The following LGSN variants were observed in gnomAD, a reference collection of about 807,000 sequenced individuals.
The protein encoded by LGSN is lengsin.
In LGSN, 21 loss-of-function variants were observed where a neutral mutation model predicts 19.5. The observed-to-expected ratio is 1.07, with a 90% confidence interval of 0.76 to 1.55. The LOEUF (loss-of-function observed/expected upper bound fraction) is 1.55, where lower values mean the gene tolerates loss of function less well. Ranked by LOEUF, LGSN falls within the 40% of genes most tolerant of loss-of-function variation. LGSN has a pLI of 0.00. For missense variants in LGSN, 673 were observed against 608.5 expected (o/e 1.11, Z -1.12); for synonymous variants, 257 against 215.6 (o/e 1.19, Z -1.68).
intron 1 of LGSN, among the ~76,000 whole-genome samples, chr6:63,302,864 C>T (rs753409990): frequency 2.0e-5 from 3 of 152,298 alleles, no homozygotes; most frequent in East Asian, 3.9e-4. Context: ...TGGTGGCTTT[C>T]GCCTGTAATC....
the LGSN span, among the ~76,000 whole-genome samples, chr6:63,370,850 A>G: frequency 6.6e-6 from 1 of 152,204 alleles, no homozygotes; most frequent in African/African-American, 2.4e-5. Context: ...GCTAGTAGAG[A>G]AAAAAACTTT....
chr6:63,335,293 C>T, the LGSN span, among the ~76,000 whole-genome samples: 5 of 151,988 alleles, frequency 3.3e-5, no homozygotes, highest in African/African-American at 1.2e-4. Context: ...AAAAGACTTA[C>T]AAGTGAGACC....
At chr6:63,303,076 C>T (rs1199226737) in intron 1 of LGSN, among the ~76,000 whole-genome samples, 2 of 152,050 alleles carry the variant, frequency 1.3e-5, no homozygotes, top group African/African-American at 4.8e-5. Context: ...TGAAGTGAGC[C>T]GAGATTGCAT....
chr6:63,446,066 C>T, the LGSN span, among the ~76,000 whole-genome samples: 11 of 151,780 alleles, frequency 7.2e-5, no homozygotes, highest in Non-Finnish European at 1.6e-4. Flanking sequence ...CCAGCCAATA[C>T]GGTGAAACCC....
the LGSN span, among the ~76,000 whole-genome samples, chr6:63,343,950 G>A: frequency 6.6e-6 from 1 of 152,086 alleles, no homozygotes; most frequent in Non-Finnish European, 1.5e-5. Flanking sequence ...TAGAAGCTGA[G>A]GGCAGCCCCC....
At chr6:63,442,519 C>G in the LGSN span, among the ~76,000 whole-genome samples, 1 of 152,044 alleles carries the variant, frequency 6.6e-6, no homozygotes, top group Non-Finnish European at 1.5e-5. Flanking sequence ...TTACAATCCT[C>G]TAGCTAGACA....
chr6:63,343,981 A>C, the LGSN span, among the ~76,000 whole-genome samples: 22 of 152,302 alleles, frequency 1.4e-4, no homozygotes, highest in Non-Finnish European at 5.9e-5. Flanking sequence ...CAGCAAGGAA[A>C]CAGGGACCTG....
At chr6:63,484,452 A>T in the LGSN span, among the ~76,000 whole-genome samples, 1 of 152,164 alleles carries the variant, frequency 6.6e-6, no homozygotes, top group Non-Finnish European at 1.5e-5. Flanking sequence ...TGAACCCAGG[A>T]GGTGGAGGTT....
the LGSN span, among the ~76,000 whole-genome samples, chr6:63,466,021 G>C: frequency 0.016 from 2,467 of 152,322 alleles, 69 homozygotes; most frequent in African/African-American, 0.056. Context: ...CCAGGCTGGA[G>C]TGCCGTAGCA....
At chr6:63,412,529 G>GAAAGAAAGAAGGAAAGAAA in the LGSN span, among the ~76,000 whole-genome samples, 53 of 32,382 alleles carry the variant, frequency 1.6e-3, no homozygotes, top group East Asian at 2.0e-3. Flanking sequence ...AAAGAAAGAA[G>GAAAGAAAGAAGGAAAGAAA]GAAAGAAAGA....
chr6:63,406,515 C>G, the LGSN span, among the ~76,000 whole-genome samples: 2 of 148,808 alleles, frequency 1.3e-5, no homozygotes, highest in Non-Finnish European at 2.9e-5. Context: ...ATCTCTGGGA[C>G]ACATTCAAAG....
chr6:63,283,886 G>C (rs1400704250), intron 3 of LGSN, among the ~76,000 whole-genome samples: 1 of 151,948 alleles, frequency 6.6e-6, no homozygotes, highest in East Asian at 1.9e-4. Context: ...TTTTAGTAGA[G>C]ATGGGGTTTC....
At chr6:63,402,875 C>T in the LGSN span, among the ~76,000 whole-genome samples, 2 of 151,862 alleles carry the variant, frequency 1.3e-5, no homozygotes, top group East Asian at 1.9e-4. Flanking sequence ...GGGGCTCATC[C>T]AGTCAACTGA....
the LGSN span, among the ~76,000 whole-genome samples, chr6:63,536,772 G>A: frequency 4.6e-5 from 7 of 151,908 alleles, 1 homozygote; most frequent in African/African-American, 1.7e-4. Context: ...TATTAGAAAA[G>A]GTTTTATTAT....
chr6:63,446,106 G>A, the LGSN span, among the ~76,000 whole-genome samples: 17 of 151,928 alleles, frequency 1.1e-4, no homozygotes, highest in South Asian at 2.1e-4. Flanking sequence ...AAAATTAGCC[G>A]GGCCATGGTG....
chr6:63,344,506 CA>C, the LGSN span, among the ~76,000 whole-genome samples: 1 of 152,032 alleles, frequency 6.6e-6, no homozygotes. Context: ...GTTCAAGAAA[CA>C]ACAGATCCTA....
the LGSN span, among the ~76,000 whole-genome samples, chr6:63,362,239 G>A: frequency 6.6e-6 from 1 of 152,220 alleles, no homozygotes; most frequent in African/African-American, 2.4e-5. Context: ...ACCAGTAAGA[G>A]GAGATGCCAA....
At chr6:63,497,855 C>T in the LGSN span, among the ~76,000 whole-genome samples, 1 of 151,202 alleles carries the variant, frequency 6.6e-6, no homozygotes, top group Non-Finnish European at 1.5e-5. Context: ...TCTCTTCCCA[C>T]ATATGAAGTT....
At chr6:63,412,414 A>G in the LGSN span, among the ~76,000 whole-genome samples, 79 of 124,988 alleles carry the variant, frequency 6.3e-4, 3 homozygotes, top group African/African-American at 2.9e-3. Flanking sequence ...AAAGAAAGAA[A>G]GAAGAAAGAA....
Sources: gnomAD v4.1 joint callset for allele counts (sites outside exome capture counted in the v4.1 genomes callset) on GRCh38, gnomAD v4.1.1 for gene constraint, MANE v1.5 for transcripts, NCBI Gene and HGNC (gene_info 2026-07-23, HGNC 2026-07-21) for gene names.